PYGM: variants seen among roughly 807,000 people sequenced by gnomAD.
PYGM encodes the protein glycogen phosphorylase, muscle associated, also known as glycogen phosphorylase, muscle form.
Under a neutral mutation model 99.3 loss-of-function variants are expected in PYGM, and 81 were observed. That is an observed-to-expected ratio of 0.82 (90% confidence interval 0.68 to 0.98). The LOEUF (loss-of-function observed/expected upper bound fraction) is 0.98. Among genes scored for constraint, PYGM ranks in the 50% least tolerant of loss-of-function variants. The pLI, the probability that PYGM is intolerant of heterozygous loss-of-function variation, is 0.00. For missense variants in PYGM, 1,030 were observed against 1,158.1 expected (o/e 0.89, Z 1.61); for synonymous variants, 436 against 451.5 (o/e 0.97, Z 0.44).
In PYGM at chr11:64,753,881, T is replaced by A. The variant is rs142054672; in HGVS notation, c.1237A>T (p.Asn413Tyr). 2.7e-4 allele frequency: 428 copies of A among 1,573,906 alleles called. 3 individuals carry two copies. In the African/African-American group the frequency reaches 5.2e-3, roughly 19 times the overall value. ...ATCCCCCAAGCCTCCGGACTCACGT[T>A]GAGGAAGCGCTGGTTGATCTCGTAG... ...IIYEINQRFLNRVAAAFPGDV... is the reference protein window; with the variant it reads ...IIYEINQRFLYRVAAAFPGDV... Residue 413 changes from asparagine (N) to tyrosine (Y), a missense_variant and splice_region_variant, in exon 10 of 20, where the codon AAC becomes TAC. Physicochemically the swap from Asn to Tyr is moderately radical, Grantham distance 143. Transcript: ENST00000164139.
rs760277933 is a variant in PYGM, at chr11:64,747,332, C to T, written c.2204G>A (p.Arg735His). 8.7e-6 allele frequency: 14 copies of T among 1,614,082 alleles called. No individual in the cohort carries two copies. Among genetic ancestry groups the T allele is most frequent in the South Asian group, 3.3e-5 (3 of 91,090 alleles). ...RGYNAQEYYD[R>H]IPELRQVIEQ... is the part of the protein sequence containing the mutation. Reference sequence around the variant, plus strand: ...AATGACCTGCCGAAGCTCAGGAATGCGATCGTAGTACTCCTGGGCATTGTA... The same window carrying T: ...AATGACCTGCCGAAGCTCAGGAATGTGATCGTAGTACTCCTGGGCATTGTA... The change falls in exon 18 of 20, where the codon CGC becomes CAC. Residue 735 changes from arginine to histidine, a missense_variant. By Grantham distance (29) the Arg-to-His change is conservative. Transcript: ENST00000164139.
In PYGM at chr11:64,759,489, C is replaced by T. The variant is rs182942896; in HGVS notation, c.243+167G>A. Reference sequence around the variant, plus strand: ...CTGAGCTCCCTGACCCCCACTCCTGCCCCAGGTTTCTCCCTCAGATTGTCC... The same window carrying T: ...CTGAGCTCCCTGACCCCCACTCCTGTCCCAGGTTTCTCCCTCAGATTGTCC... On this transcript the variant is annotated intron_variant, in intron 1 of 19. Transcript: ENST00000164139. Among the ~76,000 whole-genome samples the T allele has an allele frequency of 6.3e-3, 960 of 152,302 alleles. 9 individuals carry two copies. The highest frequency in any genetic ancestry group is 0.022 in the African/African-American group (913 of 41,556).
In PYGM at chr11:64,754,593, C is replaced by A; in HGVS notation, c.999+100G>T. 6.7e-7 allele frequency: 1 copy of A among 1,492,222 alleles called. No homozygotes were observed. The allele number at this position is 1,492,222 out of a possible 1,614,324, so 92.4% of individuals were successfully genotyped here. ...CTGACCCTCCCACACTCCCAGTCTC[C>A]ACTCCCTTATCTATTACATGGGGCA... On this transcript the variant is annotated intron_variant, in intron 8 of 19. Coordinates refer to ENST00000164139, the MANE Select transcript of PYGM (RefSeq NM_005609.4). This position sits in a 1 kb window ranked among gnomAD's most constrained non-coding sequence, Gnocchi z 5.5.
intron 10 of PYGM, 21 bp from the exon 11 acceptor site, chr11:64,753,703 G>A (rs758944532): frequency 1.2e-6 from 2 of 1,600,546 alleles, no homozygotes; most frequent in South Asian, 1.1e-5. Flanking sequence ...AGAGCCCAGA[G>A]CTAGAACCAG....
chr11:64,754,796 A>G lies in PYGM; in HGVS notation c.896T>C (p.Phe299Ser). The G allele has an allele frequency of 6.2e-7, 1 of 1,614,016 alleles. No individual in the cohort carries two copies. Among genetic ancestry groups the G allele is most frequent in the Non-Finnish European group, 8.5e-7 (1 of 1,180,022 alleles). ...GTCCTGGAGGGTGGCAGCCACCACGAAATACTCCTGCTTCAGCCGCAGCTC... is the reference window on the plus strand; with the variant it reads ...GTCCTGGAGGGTGGCAGCCACCACGGAATACTCCTGCTTCAGCCGCAGCTC... ...GKELRLKQEY[F>S]VVAATLQDII... is the part of the protein sequence containing the mutation. The change falls in exon 8 of 20, where the codon TTC becomes TCC. Residue 299 changes from phenylalanine to serine, a missense_variant. Phe to Ser is a radical substitution (Grantham distance 155). Coordinates refer to ENST00000164139, the MANE Select transcript of PYGM (RefSeq NM_005609.4). This position sits in a 1 kb window ranked among gnomAD's most constrained non-coding sequence, Gnocchi z 5.5.
At chr11:64,756,040 C>T (rs1191681416) in intron 5 of PYGM, among the ~76,000 whole-genome samples, 3 of 152,238 alleles carry the variant, frequency 2.0e-5, no homozygotes, top group South Asian at 2.1e-4. Flanking sequence ...AATTCTGCCC[C>T]GCCTTCCATA....
chr11:64,751,462 G>A lies in PYGM; in HGVS notation c.1832C>T (p.Ala611Val), dbSNP rs769869077. 6.2e-7 allele frequency: 1 copy of A among 1,614,148 alleles called. No homozygotes were observed. The highest frequency in any genetic ancestry group is 1.7e-5 in the Admixed American group (1 of 60,032). ...CATCTTGGCCATGTGGTACCCAGGT[G>A]CAGCCTGAGGGGACAAAGTCTGGGG... ...PRTVMIGGKAAPGYHMAKMII... is the reference protein window; with the variant it reads ...PRTVMIGGKAVPGYHMAKMII... The change falls in exon 16 of 20, where the codon GCA becomes GTA. Residue 611 changes from alanine (A) to valine (V), a missense_variant. Physicochemically the swap from Ala to Val is moderately conservative, Grantham distance 64. Coordinates refer to ENST00000164139, the MANE Select transcript of PYGM (RefSeq NM_005609.4).
intron 15 of PYGM, 49 bp from the exon 16 acceptor site, chr11:64,751,515 C>A (rs777906875): frequency 6.2e-7 from 1 of 1,614,180 alleles, no homozygotes; most frequent in Non-Finnish European, 8.5e-7. Flanking sequence ...CCCCCCACCC[C>A]CTATCCTGCA....
At chr11:64,759,292 C>CGCCCCAGCT (rs2058417272) in intron 1 of PYGM, among the ~76,000 whole-genome samples, 1 of 152,138 alleles carries the variant, frequency 6.6e-6, no homozygotes, top group Non-Finnish European at 1.5e-5. Flanking sequence ...TGATCTCTGC[C>CGCCCCAGCT]GCCCCAGCTG....
In PYGM at chr11:64,758,414, C is replaced by T. The variant is rs988241028; in HGVS notation, c.424+23G>A. Reference sequence around the variant, plus strand: ...AGGAGGACCCCATCGGCCCACTCCACCCTCACGGCCCTGTCTTCTTACCTG... The same window carrying T: ...AGGAGGACCCCATCGGCCCACTCCATCCTCACGGCCCTGTCTTCTTACCTG... On this transcript the variant is annotated intron_variant, in intron 3 of 19. Transcript: ENST00000164139. The T allele has an allele frequency of 3.1e-6, 5 of 1,613,522 alleles. No homozygotes were observed. The South Asian group carries it at 4.4e-5, about 14-fold the overall frequency.
In PYGM at chr11:64,755,220, C is replaced by G; in HGVS notation, c.855+53G>C. ...AGTGTCCTTCCCCAGCTCTCCCTGA[C>G]CCCTGCTGCCAAGGACTCAGGCTTC... On this transcript the variant is annotated intron_variant, in intron 7 of 19. Transcript: ENST00000164139. The surrounding 1 kb of genome is among the most constrained non-coding windows in gnomAD (Gnocchi z 4.1). 3 of 1,567,762 alleles carry G rather than the reference C, an allele frequency of 1.9e-6. No homozygotes were observed. The highest frequency in any genetic ancestry group is 1.7e-4 in the Middle Eastern group (1 of 5,832).
Position 64,759,836 on chromosome 11 carries a change from G to A in PYGM, c.63C>T (p.Gly21=), listed in dbSNP as rs368124628. ...RKQISVRGLA[G]VENVTELKKN... Reference sequence around the variant, plus strand: ...TTTTCAGCTCAGTCACGTTCTCCACGCCGGCCAGGCCACGCACACTGATTT... The same window carrying A: ...TTTTCAGCTCAGTCACGTTCTCCACACCGGCCAGGCCACGCACACTGATTT... Residue 21 remains glycine, a synonymous_variant, in exon 1 of 20, where the codon GGC becomes GGT. Coordinates refer to ENST00000164139, the MANE Select transcript of PYGM (RefSeq NM_005609.4). 25 of 1,614,010 alleles carry A rather than the reference G, an allele frequency of 1.5e-5. No individual in the cohort carries two copies. Among genetic ancestry groups the A allele is most frequent in the African/African-American group, 1.5e-4 (11 of 74,896 alleles).
At position 64,746,620 on chromosome 11, in the gene PYGM, G is replaced by A; in HGVS notation, c.*39C>T. The A allele has an allele frequency of 6.2e-7, 1 of 1,613,184 alleles. No homozygotes were observed. On this transcript the variant is annotated 3_prime_UTR_variant, in exon 20 of 20. Transcript: ENST00000164139. The stretch of plus-strand genomic sequence containing the variant: ...TGCTGGGGCTGGCCCAAGAGAGTGT[G>A]ACAGACTCAAGGGCTGGTTTGGGGT...
chr11:64,760,520 T>C (rs2058427959), upstream of PYGM, among the ~76,000 whole-genome samples: 1 of 152,132 alleles, frequency 6.6e-6, no homozygotes, highest in South Asian at 2.1e-4. Flanking sequence ...AGCTCTAGGC[T>C]CCCCCTGTTG....
chr11:64,758,458 C>T lies in PYGM; in HGVS notation c.403G>A (p.Gly135Arg), dbSNP rs780246932. ...EIEEDAGLGNGGLGRLAACFL... is the reference protein window; with the variant it reads ...EIEEDAGLGNRGLGRLAACFL... ...TTACCTGCCAGCCGGCCCAGGCCCC[C>T]GTTGCCCAGCCCCGCATCCTCCTCA... The change falls in exon 3 of 20, where the codon GGG becomes AGG. Residue 135 changes from glycine (G) to arginine (R), a missense_variant. Physicochemically the swap from Gly to Arg is moderately radical, Grantham distance 125. Transcript: ENST00000164139. 37 of 1,613,876 alleles carry T rather than the reference C, an allele frequency of 2.3e-5. No homozygotes were observed. The highest frequency in any genetic ancestry group is 2.9e-5 in the Non-Finnish European group (34 of 1,180,024).
chr11:64,756,877 T>C (rs2058397664), intron 5 of PYGM, among the ~76,000 whole-genome samples: 1 of 152,232 alleles, frequency 6.6e-6, no homozygotes, highest in Non-Finnish European at 1.5e-5. Flanking sequence ...CATAGCTCAC[T>C]GCAGCCTTTA....
chr11:64,753,350 C>T (rs1463134192), intron 11 of PYGM, among the ~76,000 whole-genome samples, 163 bp from the exon 12 acceptor site: 1 of 152,178 alleles, frequency 6.6e-6, no homozygotes, highest in Non-Finnish European at 1.5e-5. Flanking sequence ...CATCTCAGGA[C>T]AGGGCGGCAC....
rs1413460259 is a variant in PYGM, at chr11:64,747,210, G to A, written c.2312+14C>T. On this transcript the variant is annotated intron_variant, in intron 18 of 19. Coordinates refer to ENST00000164139, the MANE Select transcript of PYGM (RefSeq NM_005609.4). ...GCGGCCCCACCTGAGTGATTCCCGG[G>A]CCAACCAGCTCACCGGTCATGGTGC... 6.2e-7 allele frequency: 1 copy of A among 1,613,804 alleles called. No individual in the cohort carries two copies. Among genetic ancestry groups the A allele is most frequent in the South Asian group, 1.1e-5 (1 of 91,064 alleles).
chr11:64,750,522 G>A lies in PYGM; in HGVS notation c.2031C>T (p.Thr677=), dbSNP rs372078244. ...CGTTGAGCATGAACTTCATGTTGCC[G>A]GTGCCTGAGGCTTCAGTGCCCGCAG... is the stretch of plus-strand genomic sequence containing the variant. ...ISTAGTEASG[T]GNMKFMLNGA... Residue 677 remains threonine (T), a synonymous_variant, in exon 17 of 20, where the codon ACC becomes ACT. Transcript: ENST00000164139. 32 of 1,614,056 alleles carry A rather than the reference G, an allele frequency of 2.0e-5. No homozygotes were observed. The Admixed American group carries it at 3.0e-4, about 15-fold the overall frequency.
Sources: allele counts gnomAD v4.1 joint callset (sites outside exome capture counted in the v4.1 genomes callset), GRCh38; gene constraint gnomAD v4.1.1; non-coding constraint Gnocchi (gnomAD v3.1); transcripts MANE v1.5; gene names NCBI Gene and HGNC (gene_info 2026-07-23, HGNC 2026-07-21).